Variants in ZPBP observed in about 807,000 individuals in gnomAD.
ZPBP encodes zona pellucida binding protein.
In ZPBP, 26 loss-of-function variants were observed where a neutral mutation model predicts 44.8. The observed-to-expected ratio is 0.58, with a 90% CI of 0.43 to 0.81. ZPBP has a LOEUF of 0.81. Ranked by LOEUF, ZPBP falls within the 30% of genes least tolerant of loss-of-function variation. The pLI is 0.00. For synonymous variants in ZPBP, 174 were observed against 153.2 expected (o/e 1.14, Z -1.00); for missense variants, 409 against 434.0 (o/e 0.94, Z 0.51).
intron 4 of ZPBP, among the ~76,000 whole-genome samples, chr7:50,042,812 A>T (rs568339450): frequency 6.6e-6 from 1 of 152,220 alleles, no homozygotes; most frequent in Non-Finnish European, 1.5e-5. Context: ...AAATCCACAC[A>T]TAACAATATT....
intron 6 of ZPBP, among the ~76,000 whole-genome samples, chr7:49,995,799 C>A (rs55901479): frequency 6.6e-6 from 1 of 152,018 alleles, no homozygotes; most frequent in African/African-American, 2.4e-5. Context: ...TGTTCTCATT[C>A]GTATGTGGGA....
intron 7 of ZPBP, among the ~76,000 whole-genome samples, chr7:49,938,077 G>T (rs1256769108): frequency 1.3e-5 from 2 of 152,112 alleles, no homozygotes; most frequent in African/African-American, 2.4e-5. Flanking sequence ...TTTGCAGTCT[G>T]GTTCCTAACA....
intron 4 of ZPBP, among the ~76,000 whole-genome samples, chr7:50,052,141 G>A (rs1374936517): frequency 6.6e-6 from 1 of 151,928 alleles, no homozygotes; most frequent in African/African-American, 2.4e-5. Context: ...TCAAGAGGAT[G>A]AAAAGACAAA....
intron 7 of ZPBP, among the ~76,000 whole-genome samples, chr7:49,981,144 T>G (rs1175770066): frequency 7.0e-6 from 1 of 142,536 alleles, no homozygotes; most frequent in African/African-American, 2.6e-5. Context: ...ATATTTTATA[T>G]ATATAAAATC....
chr7:50,062,791 C>A (rs766076903), intron 3 of ZPBP, among the ~76,000 whole-genome samples: 20 of 150,892 alleles, frequency 1.3e-4, no homozygotes, highest in Non-Finnish European at 2.8e-4. Flanking sequence ...TAAAAAAATA[C>A]CTTCTCTTAA....
intron 7 of ZPBP, chr7:49,942,766 T>C (rs1404003186): frequency 6.5e-6 from 1 of 154,838 alleles, no homozygotes; most frequent in Non-Finnish European, 1.4e-5. Context: ...TCTCCAGATA[T>C]GACATATCCA....
intron 7 of ZPBP, among the ~76,000 whole-genome samples, chr7:49,956,567 T>C (rs1795604337): frequency 6.6e-6 from 1 of 151,976 alleles, no homozygotes; most frequent in Non-Finnish European, 1.5e-5. Context: ...ATGAAATAAC[T>C]ACATGAATCT....
intron 7 of ZPBP, among the ~76,000 whole-genome samples, chr7:49,972,300 A>G (rs1317093074): frequency 1.3e-5 from 2 of 151,942 alleles, no homozygotes; most frequent in East Asian, 3.9e-4. Context: ...AAGCAAAATT[A>G]TCTGTTCACA....
intron 1 of ZPBP, among the ~76,000 whole-genome samples, chr7:49,928,805 T>C (rs1195022945): frequency 6.6e-6 from 1 of 152,184 alleles, no homozygotes; most frequent in Non-Finnish European, 1.5e-5. Flanking sequence ...GCCTACCTCA[T>C]GATGTAGCTC....
chr7:49,981,253 AT>A (rs1796857534), intron 7 of ZPBP, among the ~76,000 whole-genome samples: 2 of 114,494 alleles, frequency 1.7e-5, no homozygotes, highest in African/African-American at 6.7e-5. Flanking sequence ...TATATATGTT[AT>A]ATATAATATA....
intron 6 of ZPBP, among the ~76,000 whole-genome samples, chr7:49,988,627 T>C (rs1461070140): frequency 2.6e-5 from 4 of 152,222 alleles, no homozygotes; most frequent in Non-Finnish European, 5.9e-5. Context: ...ACCATGGACA[T>C]TCTATTATTC....
At chr7:49,949,799 A>T (rs1795259564) in intron 7 of ZPBP, among the ~76,000 whole-genome samples, 1 of 151,976 alleles carries the variant, frequency 6.6e-6, no homozygotes, top group Non-Finnish European at 1.5e-5. Context: ...ATTTTATGTT[A>T]TGTACATTTT....
At chr7:49,872,007 G>A (rs1791180305) in intron 2 of ZPBP, among the ~76,000 whole-genome samples, 1 of 140,754 alleles carries the variant, frequency 7.1e-6, no homozygotes, top group Non-Finnish European at 1.5e-5. Flanking sequence ...GGGGAGACAA[G>A]AAAGAATGAT....
chr7:50,064,026 C>T (rs768208971), intron 3 of ZPBP, among the ~76,000 whole-genome samples: 1 of 152,082 alleles, frequency 6.6e-6, no homozygotes, highest in South Asian at 2.1e-4. Context: ...TCTTATGTAT[C>T]GGGGGACCTG....
rs1799526401 is a variant in ZPBP, at chr7:50,029,959, G to A, written c.706+1133C>T. Among the ~76,000 whole-genome samples, 6 of 152,124 alleles carry A rather than the reference G, an allele frequency of 3.9e-5. No individual in the cohort carries two copies. The South Asian group carries it at 1.2e-3, about 32-fold the overall frequency. ...AAACCTCAGCTTCCCGGGTTCAAGT[G>A]ATTCTCCTGCCTCAGCCTCCCAAGT... On this transcript the variant is annotated intron_variant, in intron 5 of 7. Coordinates refer to ENST00000046087, the MANE Select transcript of ZPBP (RefSeq NM_007009.3).
intron 4 of ZPBP, among the ~76,000 whole-genome samples, chr7:50,033,900 C>T (rs1358181372): frequency 1.3e-5 from 2 of 151,962 alleles, no homozygotes; most frequent in Non-Finnish European, 2.9e-5. Context: ...ACTATGTTGG[C>T]TAGTCTGGTC....
chr7:50,027,707 T>C, intron 5 of ZPBP, among the ~76,000 whole-genome samples: 1 of 151,798 alleles, frequency 6.6e-6, no homozygotes, highest in East Asian at 1.9e-4. Context: ...TTGACAAACA[T>C]TCACATAGAG....
At chr7:50,024,957 T>G (rs893630103) in intron 5 of ZPBP, among the ~76,000 whole-genome samples, 6 of 152,092 alleles carry the variant, frequency 3.9e-5, no homozygotes, top group African/African-American at 1.4e-4. Flanking sequence ...ACATGTTGTA[T>G]AACTTAAATT....
downstream of ZPBP, among the ~76,000 whole-genome samples, chr7:49,935,201 CTG>C (rs1275109900): frequency 6.6e-6 from 1 of 152,094 alleles, no homozygotes; most frequent in African/African-American, 2.4e-5. Context: ...AAGGATATAA[CTG>C]TGTGCTACGA....
Sources: allele counts gnomAD v4.1 joint callset (sites outside exome capture counted in the v4.1 genomes callset), GRCh38; gene constraint gnomAD v4.1.1; transcripts MANE v1.5; gene names NCBI Gene and HGNC (gene_info 2026-07-23, HGNC 2026-07-21).